ULK4: variants seen among roughly 807,000 people sequenced by gnomAD.
The protein encoded by ULK4 is inactive serine/threonine-protein kinase ULK4.
A neutral mutation model predicts 160.6 loss-of-function variants in ULK4; 133 were observed. That is an observed-to-expected ratio of 0.83 (90% CI 0.72 to 0.96). The LOEUF is 0.96. ULK4 is among the 40% of genes least tolerant of loss of function. The pLI, the probability that ULK4 is intolerant of heterozygous loss-of-function variation, is 0.00. For missense variants in ULK4, 1,580 were observed against 1,499.5 expected, an observed-to-expected ratio of 1.05 and a Z score of -0.89; for synonymous variants, 534 against 539.8, an observed-to-expected ratio of 0.99 and a Z score of 0.15.
intron 34 of ULK4, among the ~76,000 whole-genome samples, chr3:41,404,341 C>G (rs1336151092): frequency 6.6e-6 from 1 of 151,538 alleles, no homozygotes; most frequent in East Asian, 1.9e-4. Flanking sequence ...GGTAATGTCC[C>G]TCTCTGCCTC....
At chr3:41,288,106 C>A (rs1287779919) in intron 35 of ULK4, among the ~76,000 whole-genome samples, 1 of 152,094 alleles carries the variant, frequency 6.6e-6, no homozygotes, top group East Asian at 1.9e-4. Context: ...CACTAAAATT[C>A]AGTTTGAGTC....
chr3:41,798,537 C>A (rs1287374600), intron 20 of ULK4, among the ~76,000 whole-genome samples: 1 of 152,068 alleles, frequency 6.6e-6, no homozygotes, highest in Non-Finnish European at 1.5e-5. Flanking sequence ...GGTAACATAA[C>A]TGAAAAATTT....
chr3:41,613,357 T>C (rs1194020193), intron 31 of ULK4, among the ~76,000 whole-genome samples: 1 of 152,180 alleles, frequency 6.6e-6, no homozygotes, highest in African/African-American at 2.4e-5. Context: ...TATTCAGACA[T>C]AGATTTTTAT....
intron 34 of ULK4, among the ~76,000 whole-genome samples, chr3:41,433,936 A>ATCC (rs2082974515): frequency 6.6e-6 from 1 of 152,066 alleles, no homozygotes; most frequent in East Asian, 1.9e-4. Flanking sequence ...GTTAGTCAGG[A>ATCC]TGGTCTCAAT....
At chr3:41,830,647 G>A (rs1193811918) in intron 18 of ULK4, among the ~76,000 whole-genome samples, 1 of 152,104 alleles carries the variant, frequency 6.6e-6, no homozygotes, top group Non-Finnish European at 1.5e-5. Context: ...AGAAGAATTA[G>A]ACTAGACTGT....
intron 2 of ULK4, among the ~76,000 whole-genome samples, chr3:41,948,718 C>T (rs1402660017): frequency 7.3e-5 from 5 of 68,456 alleles, no homozygotes; most frequent in Admixed American, 1.8e-4. Context: ...AATTCAACAA[C>T]CTTTAAAAAA....
At chr3:41,850,628 T>C (rs1013398203) in intron 17 of ULK4, among the ~76,000 whole-genome samples, 1 of 148,348 alleles carries the variant, frequency 6.7e-6, no homozygotes, top group Non-Finnish European at 1.5e-5. Flanking sequence ...AAGAGTCTGT[T>C]AATATCCTTT....
intron 34 of ULK4, among the ~76,000 whole-genome samples, chr3:41,399,557 T>G (rs573767505): frequency 1.3e-5 from 2 of 152,242 alleles, no homozygotes; most frequent in South Asian, 4.2e-4. Flanking sequence ...GTGACAGATA[T>G]CTAAGAATGT....
intron 30 of ULK4, among the ~76,000 whole-genome samples, chr3:41,634,039 C>T (rs746525571): frequency 2.0e-5 from 3 of 152,172 alleles, no homozygotes; most frequent in African/African-American, 2.4e-5. Flanking sequence ...CCAGCAAAAT[C>T]GATGTTCCAA....
chr3:41,550,508 C>T (rs1404003878), intron 32 of ULK4, among the ~76,000 whole-genome samples: 2 of 151,814 alleles, frequency 1.3e-5, no homozygotes, highest in Non-Finnish European at 2.9e-5. Context: ...ATAAAATACA[C>T]TCAAAAACAT....
intron 35 of ULK4, among the ~76,000 whole-genome samples, chr3:41,393,147 A>G (rs1433280921): frequency 6.6e-6 from 1 of 152,196 alleles, no homozygotes; most frequent in African/African-American, 2.4e-5. Context: ...GAAGACCACA[A>G]GTGAACTGCC....
chr3:41,490,712 A>C (rs1315216586), intron 32 of ULK4, among the ~76,000 whole-genome samples: 2 of 152,220 alleles, frequency 1.3e-5, no homozygotes, highest in Non-Finnish European at 2.9e-5. Context: ...GCTTCTTGAG[A>C]GTTTTCTACA....
chr3:41,677,331 C>A (rs1288637916), intron 29 of ULK4, among the ~76,000 whole-genome samples: 1 of 144,606 alleles, frequency 6.9e-6, no homozygotes, highest in East Asian at 2.0e-4. Flanking sequence ...AAAGTTCATT[C>A]ATTTTTTTTT....
chr3:41,776,664 C>A (rs1467994104), intron 21 of ULK4, among the ~76,000 whole-genome samples: 1 of 112,184 alleles, frequency 8.9e-6, no homozygotes, highest in Non-Finnish European at 2.0e-5. Flanking sequence ...GCTTTTTCTG[C>A]ATCTATTGAG....
At chr3:41,534,212 A>G (rs1221006181) in intron 32 of ULK4, among the ~76,000 whole-genome samples, 1 of 152,226 alleles carries the variant, frequency 6.6e-6, no homozygotes, top group South Asian at 2.1e-4. Flanking sequence ...CTAATAAGAA[A>G]TGAGTAGTTT....
chr3:41,437,316 G>A (rs578129250), intron 34 of ULK4, among the ~76,000 whole-genome samples: 2 of 152,294 alleles, frequency 1.3e-5, no homozygotes, highest in African/African-American at 4.8e-5. Flanking sequence ...TTATCTATCA[G>A]ACTTGACTCT....
intron 35 of ULK4, among the ~76,000 whole-genome samples, chr3:41,319,556 T>C (rs1011235828): frequency 1.3e-5 from 2 of 152,252 alleles, no homozygotes; most frequent in Non-Finnish European, 2.9e-5. Context: ...TTTACTATAC[T>C]AGACACATCT....
intron 27 of ULK4, among the ~76,000 whole-genome samples, chr3:41,690,422 C>T (rs1336722854): frequency 6.6e-6 from 1 of 150,416 alleles, no homozygotes; most frequent in East Asian, 1.9e-4. Flanking sequence ...GCACATGTAC[C>T]CTAAAGTATA....
intron 35 of ULK4, among the ~76,000 whole-genome samples, chr3:41,388,620 G>A (rs1468083114): frequency 4.6e-5 from 7 of 151,978 alleles, no homozygotes; most frequent in Middle Eastern, 3.4e-3. Context: ...AGCACCATTT[G>A]TTAAATAGGG....
Sources: gnomAD v4.1 joint callset for allele counts (sites outside exome capture counted in the v4.1 genomes callset) on GRCh38, gnomAD v4.1.1 for gene constraint, MANE v1.5 for transcripts, NCBI Gene and HGNC (gene_info 2026-07-23, HGNC 2026-07-21) for gene names.